The following GUCY2F variants were observed in gnomAD, a reference collection of about 807,000 sequenced individuals.
The protein encoded by GUCY2F is retinal guanylyl cyclase 2.
GUCY2F carries 61 observed loss-of-function variants against 73.1 expected under a neutral mutation model. That is an observed-to-expected ratio of 0.83 (90% CI 0.68 to 1.03). GUCY2F has a LOEUF of 1.03. Among genes scored for constraint, GUCY2F ranks in the 50% least tolerant of loss-of-function variants. GUCY2F has a pLI of 0.00. For synonymous variants in GUCY2F, 331 were observed against 307.8 expected (o/e 1.08, Z -0.79); for missense variants, 912 against 854.3 (o/e 1.07, Z -0.84).
chrX:109,408,915 G>T, intron 9 of GUCY2F, 77 bp downstream of exon 9: 2 of 543,893 alleles, frequency 3.7e-6, no homozygotes, highest in Non-Finnish European at 6.3e-6. Flanking sequence ...AACAATCTGA[G>T]GAAAATAAAA....
chrX:109,385,752 G>C (rs777556638), intron 15 of GUCY2F, among the ~76,000 whole-genome samples: 1 of 112,311 alleles, frequency 8.9e-6, no homozygotes, highest in East Asian at 2.8e-4. Context: ...AAAACAAATA[G>C]AGCTGACTTT....
intron 8 of GUCY2F, among the ~76,000 whole-genome samples, chrX:109,415,928 A>T (rs1931227876): frequency 8.9e-6 from 1 of 112,121 alleles, no homozygotes; most frequent in Non-Finnish European, 1.9e-5. Context: ...TACTCAGTAG[A>T]CAAAGAAACC....
At chrX:109,393,542 C>G (rs979968759) in intron 12 of GUCY2F, among the ~76,000 whole-genome samples, 23 of 111,237 alleles carry the variant, frequency 2.1e-4, no homozygotes, top group Admixed American at 1.9e-3. Flanking sequence ...GTTCCTTGAC[C>G]TCTTACAGAG....
At chrX:109,406,605 A>C (rs1930977737) in intron 9 of GUCY2F, among the ~76,000 whole-genome samples, 1 of 111,083 alleles carries the variant, frequency 9.0e-6, no homozygotes. Flanking sequence ...AAACTTGGGA[A>C]GGAAAGTGAT....
chrX:109,405,689 C>T (rs948069136), intron 9 of GUCY2F, among the ~76,000 whole-genome samples: 2 of 111,406 alleles, frequency 1.8e-5, no homozygotes, highest in Admixed American at 1.9e-4. Flanking sequence ...GCAAGATTCC[C>T]CCCATGTTGT....
chrX:109,474,950 C>T (rs1343333892), intron 2 of GUCY2F, among the ~76,000 whole-genome samples: 7 of 112,229 alleles, frequency 6.2e-5, no homozygotes, highest in Non-Finnish European at 9.4e-5. Flanking sequence ...CACCATTCTT[C>T]ACTCAGGCGC....
Position 109,465,296 on chromosome X carries a change from G to T in GUCY2F, c.878C>A (p.Thr293Asn), listed in dbSNP as rs757162707. 20 of 1,207,398 alleles carry T rather than the reference G, an allele frequency of 1.7e-5. 1 individual carries two copies. The highest frequency in any genetic ancestry group is 5.9e-5 in the East Asian group (2 of 33,763). ...ALLYSLPYKHTPYRVLRNNPK... is the reference protein window; with the variant it reads ...ALLYSLPYKHNPYRVLRNNPK... ...GTTGTTCCTTAGGACCCGGTAGGGGGTGTGCTTATAAGGTAAACTGTAGAG... is the reference window on the plus strand; with the variant it reads ...GTTGTTCCTTAGGACCCGGTAGGGGTTGTGCTTATAAGGTAAACTGTAGAG... The change falls in exon 3 of 20, where the codon ACC becomes AAC. Residue 293 changes from threonine (T) to asparagine (N), a missense_variant. Physicochemically the swap from Thr to Asn is moderately conservative, Grantham distance 65. Coordinates refer to ENST00000218006, the MANE Select transcript of GUCY2F (RefSeq NM_001522.3).
chrX:109,432,410 G>C (rs1483242935), intron 7 of GUCY2F, among the ~76,000 whole-genome samples: 1 of 111,473 alleles, frequency 9.0e-6, no homozygotes, highest in Non-Finnish European at 1.9e-5. Context: ...GGGATCAAAG[G>C]CTACCTATTA....
Position 109,435,465 on chromosome X carries a change from G to A in GUCY2F, c.1702-5069C>T, listed in dbSNP as rs747555932. Among the ~76,000 whole-genome samples, 27 of 109,388 alleles carry A rather than the reference G, an allele frequency of 2.5e-4. 1 individual carries two copies. The South Asian group carries it at 0.011, about 44-fold the overall frequency. The allele number at this position is 109,388 out of a possible 115,157, so 95.0% of individuals were successfully genotyped here. On this transcript the variant is annotated intron_variant, in intron 7 of 19. Transcript: ENST00000218006. ...GTGTATAAGAATGCTTGTGATTTTT[G>A]TACATTGATTTTGTATCCTGAGACT...
chrX:109,394,660 G>A (rs938055304), intron 12 of GUCY2F, among the ~76,000 whole-genome samples: 2 of 111,971 alleles, frequency 1.8e-5, no homozygotes, highest in African/African-American at 3.2e-5. Flanking sequence ...TTGGAATTGC[G>A]CCTTAGCTTC....
rs1441477111 is a variant in GUCY2F, at chrX:109,388,493, G to C, written c.2952C>G (p.His984Gln). The C allele has an allele frequency of 3.3e-6, 4 of 1,197,563 alleles. No homozygotes were observed. In the African/African-American group the frequency reaches 7.0e-5, roughly 21 times the overall value. Residue 984 changes from histidine to glutamine, a missense_variant, in exon 15 of 20, where the codon CAC becomes CAG. Physicochemically the swap from His to Gln is conservative, Grantham distance 24 (BLOSUM62 0). Coordinates refer to ENST00000218006, the MANE Select transcript of GUCY2F (RefSeq NM_001522.3). ...EVPVRIRIGL[H>Q]SGPVVAGVVG... Reference sequence around the variant, plus strand: ...CTTACTTTAACTGGTTATTACCTGAGTGAAGGCCAATTCGAATTCGGACCG... The same window carrying C: ...CTTACTTTAACTGGTTATTACCTGACTGAAGGCCAATTCGAATTCGGACCG...
intron 1 of GUCY2F, among the ~76,000 whole-genome samples, chrX:109,477,328 C>A (rs1363029526): frequency 9.0e-6 from 1 of 111,677 alleles, no homozygotes; most frequent in African/African-American, 3.3e-5. Flanking sequence ...GAAAATGGCA[C>A]AAGTCTCTGA....
intron 8 of GUCY2F, among the ~76,000 whole-genome samples, chrX:109,426,998 G>A (rs1024016348): frequency 2.7e-5 from 3 of 111,743 alleles, no homozygotes; most frequent in Admixed American, 9.5e-5. Flanking sequence ...ACAGAGAATG[G>A]CATTAGCCTC....
At position 109,475,420 on chromosome X, in the gene GUCY2F, T is replaced by C. The variant is rs878868008; in HGVS notation, c.517A>G (p.Ile173Val). 6.6e-6 allele frequency: 8 copies of C among 1,209,078 alleles called. No homozygotes were observed. In the Admixed American group the frequency reaches 1.5e-4, roughly 23 times the overall value. Residue 173 changes from isoleucine (I) to valine (V), a missense_variant, in exon 2 of 20, where the codon ATC (isoleucine) becomes GTC (valine). Physicochemically the swap from Ile to Val is conservative, Grantham distance 29. Transcript: ENST00000218006. ...PTFSRTLPSPIRVLVTVMKYF... is the reference protein window; with the variant it reads ...PTFSRTLPSPVRVLVTVMKYF... ...TTCATGACAGTTACAAGCACCCGGA[T>C]GGGAGAAGGGAGTGTCCGAGAAAAG...
chrX:109,476,540 G>A (rs1437839329), intron 1 of GUCY2F, among the ~76,000 whole-genome samples: 1 of 111,236 alleles, frequency 9.0e-6, no homozygotes, highest in Non-Finnish European at 1.9e-5. Context: ...CCCAAACAGA[G>A]AGACAGAGAG....
At chrX:109,406,834 A>G (rs1208417459) in intron 9 of GUCY2F, among the ~76,000 whole-genome samples, 4 of 112,023 alleles carry the variant, frequency 3.6e-5, no homozygotes, top group Non-Finnish European at 5.6e-5. Context: ...CTACCATGTA[A>G]GAAGTGCCTT....
chrX:109,435,526 G>T (rs1931720524), intron 7 of GUCY2F, among the ~76,000 whole-genome samples: 1 of 110,262 alleles, frequency 9.1e-6, no homozygotes, highest in Non-Finnish European at 1.9e-5. Context: ...GGAGATTTTG[G>T]GCTGAGACAA....
intron 2 of GUCY2F, 85 bp from the exon 3 acceptor site, chrX:109,465,528 T>C: frequency 1.5e-6 from 1 of 677,390 alleles, no homozygotes; most frequent in South Asian, 2.7e-5. Context: ...AAAATAAATG[T>C]GTTCTAACCA....
intron 12 of GUCY2F, among the ~76,000 whole-genome samples, chrX:109,393,804 C>T (rs1007883612): frequency 1.8e-5 from 2 of 112,380 alleles, no homozygotes; most frequent in African/African-American, 6.5e-5. Flanking sequence ...GGTAGCCCCT[C>T]TGTACTGCTA....
Sources: gnomAD v4.1 joint callset for allele counts (sites outside exome capture counted in the v4.1 genomes callset) on GRCh38, gnomAD v4.1.1 for gene constraint, MANE v1.5 for transcripts, NCBI Gene and HGNC (gene_info 2026-07-23, HGNC 2026-07-21) for gene names.